The following CAP1 variants were observed in gnomAD, a reference collection of about 807,000 sequenced individuals.
CAP1 encodes the protein adenylyl cyclase-associated protein 1.
Under a neutral mutation model 58.2 loss-of-function variants are expected in CAP1, and 11 were observed. The ratio of observed to expected loss-of-function variants is 0.19; its 90% CI spans 0.12 to 0.31. CAP1 has a LOEUF of 0.31. Among genes scored for constraint, CAP1 ranks in the 10% least tolerant of loss-of-function variants. The probability of loss-of-function intolerance (pLI) is 1.00; values close to 1 mark genes in which losing one functional copy is unlikely to be tolerated. For synonymous variants in CAP1, 183 were observed against 213.8 expected (o/e 0.86, Z 1.26); for missense variants, 423 against 587.5 (o/e 0.72, Z 2.89).
chr1:40,044,867 G>T (rs1646013842), intron 1 of CAP1, among the ~76,000 whole-genome samples: 2 of 144,186 alleles, frequency 1.4e-5, no homozygotes, highest in East Asian at 2.1e-4. Context: ...CACAATCTCG[G>T]CTCACTGCAA....
chr1:40,048,027 T>C (rs755428170), intron 1 of CAP1, among the ~76,000 whole-genome samples: 1 of 151,980 alleles, frequency 6.6e-6, no homozygotes, highest in Non-Finnish European at 1.5e-5. Context: ...TGGCTCCTGA[T>C]TTGGGTTAGA....
intron 1 of CAP1, among the ~76,000 whole-genome samples, chr1:40,042,941 T>C (rs1374812028): frequency 6.6e-6 from 1 of 152,086 alleles, no homozygotes; most frequent in Admixed American, 6.6e-5. Context: ...GGTAGTACCA[T>C]TCAGATAGAG....
At chr1:40,051,626 A>C (rs12404979) in intron 1 of CAP1, among the ~76,000 whole-genome samples, 21,611 of 152,006 alleles carry the variant, frequency 0.14, 1,843 homozygotes, top group African/African-American at 0.24. Context: ...CCCAGGCTGG[A>C]GTGCAGTGGC....
At chr1:40,054,832 G>A (rs945233113) in intron 1 of CAP1, among the ~76,000 whole-genome samples, 5 of 152,030 alleles carry the variant, frequency 3.3e-5, no homozygotes, top group African/African-American at 9.7e-5. Context: ...GTAGAGATGG[G>A]ATTTAGTAGA....
chr1:40,064,895 ACCCATT>A (rs1005184139), intron 6 of CAP1, among the ~76,000 whole-genome samples: 1 of 152,122 alleles, frequency 6.6e-6, no homozygotes, highest in African/African-American at 2.4e-5. Flanking sequence ...TAAAGGATAA[ACCCATT>A]TGGTTACTTG....
In CAP1 at chr1:40,067,664, C is replaced by T. The variant is rs772717776; in HGVS notation, c.755C>T (p.Ala252Val). The change falls in exon 8 of 13, where the codon GCT (alanine) becomes GTT (valine). Residue 252 changes from alanine to valine, a missense_variant. Physicochemically the swap from Ala to Val is moderately conservative, Grantham distance 64. Transcript: ENST00000372805. Reference protein sequence around the residue: ...VSTISCSYESASRSSLFAQIN... With the variant: ...VSTISCSYESVSRSSLFAQIN... ...ACCATTTCATGCTCATATGAGTCTGCTTCCCGCTCATCACTGTTCGCGCAG... is the reference window on the plus strand; with the variant it reads ...ACCATTTCATGCTCATATGAGTCTGTTTCCCGCTCATCACTGTTCGCGCAG... 3 of 1,595,916 alleles carry T rather than the reference C, an allele frequency of 1.9e-6. No homozygotes were observed. The highest frequency in any genetic ancestry group is 1.7e-6 in the Non-Finnish European group (2 of 1,170,796).
In CAP1 at chr1:40,070,596, T is replaced by C. The variant is rs565995062; in HGVS notation, c.1200+84T>C. 3 of 1,174,108 alleles carry C rather than the reference T, an allele frequency of 2.6e-6. No individual in the cohort carries two copies. The South Asian group carries it at 3.7e-5, about 15-fold the overall frequency. The allele number at this position is 1,174,108 out of a possible 1,614,324, so 72.7% of individuals were successfully genotyped here. On this transcript the variant is annotated intron_variant, in intron 11 of 12. Transcript: ENST00000372805. ...GGTAGACCCACAGATGTTGCTTTGG[T>C]GGGAATCTGATTCTACAAAGTCTGT...
chr1:40,055,664 G>C (rs1207532965), intron 1 of CAP1, among the ~76,000 whole-genome samples: 2 of 152,054 alleles, frequency 1.3e-5, no homozygotes, highest in African/African-American at 4.8e-5. Flanking sequence ...ACACCACCAT[G>C]CTTGGAAAAA....
chr1:40,064,338 G>C lies in CAP1; in HGVS notation c.406G>C (p.Glu136Gln), dbSNP rs1343671278. Reference protein sequence around the residue: ...KLFNHLSAVSESIQALGWVAM... With the variant: ...KLFNHLSAVSQSIQALGWVAM... ...GTTTAATCACCTGTCAGCTGTCAGC[G>C]AAAGTATCCAGGCCCTGGGCTGGGT... The change falls in exon 5 of 13, where the codon GAA (glutamate) becomes CAA (glutamine). Residue 136 changes from glutamate to glutamine, a missense_variant. Glu to Gln is a conservative substitution (Grantham distance 29). Transcript: ENST00000372805. The C allele has an allele frequency of 1.2e-6, 2 of 1,614,060 alleles. No homozygotes were observed. The highest frequency in any genetic ancestry group is 1.7e-6 in the Non-Finnish European group (2 of 1,180,028).
At chr1:40,057,066 A>G (rs1255933544) in intron 1 of CAP1, among the ~76,000 whole-genome samples, 1 of 152,250 alleles carries the variant, frequency 6.6e-6, no homozygotes, top group African/African-American at 2.4e-5. Flanking sequence ...AAATATGGAA[A>G]AAGGGAGCCA....
chr1:40,061,575 A>G (rs940086589), intron 3 of CAP1, among the ~76,000 whole-genome samples, 160 bp from the exon 4 acceptor site: 1 of 152,200 alleles, frequency 6.6e-6, no homozygotes, highest in African/African-American at 2.4e-5. Context: ...TAGTGTATGT[A>G]ATTCTGCTCT....
intron 4 of CAP1, among the ~76,000 whole-genome samples, chr1:40,062,571 A>G (rs889266284): frequency 5.9e-5 from 9 of 152,090 alleles, no homozygotes; most frequent in African/African-American, 2.2e-4. Context: ...GCAACATAGC[A>G]AGACCTCGTC....
At chr1:40,054,335 C>T (rs892009317) in intron 1 of CAP1, among the ~76,000 whole-genome samples, 3 of 151,948 alleles carry the variant, frequency 2.0e-5, no homozygotes, top group Non-Finnish European at 2.9e-5. Context: ...GGACTACAGG[C>T]GCATACCACC....
intron 4 of CAP1, among the ~76,000 whole-genome samples, chr1:40,062,773 T>TTGTGTG (rs1169359200): frequency 0.64 from 92,634 of 145,430 alleles, 30,206 homozygotes; most frequent in Non-Finnish European, 0.71. Flanking sequence ...TCAAAAAACA[T>TTGTGTG]TGTGTGTGTG....
At position 40,067,523 on chromosome 1, in the gene CAP1, T is replaced by C; in HGVS notation, c.631-17T>C. 1 of 1,598,852 alleles carries C rather than the reference T, an allele frequency of 6.3e-7. No individual in the cohort carries two copies. The highest frequency in any genetic ancestry group is 8.5e-7 in the Non-Finnish European group (1 of 1,172,238). On this transcript the variant is annotated splice_polypyrimidine_tract_variant and intron_variant, in intron 7 of 12. Coordinates refer to ENST00000372805, the MANE Select transcript of CAP1 (RefSeq NM_006367.4). ...GAGCAGAGAGGATGATGATGTTACC[T>C]GCACTTATTGTTCCAGGGGCCTGTG...
chr1:40,064,808 G>T (rs1322789775), intron 6 of CAP1, among the ~76,000 whole-genome samples: 1 of 152,046 alleles, frequency 6.6e-6, no homozygotes, highest in African/African-American at 2.4e-5. Context: ...TGATTCTCCT[G>T]CCTTGGTCTC....
intron 6 of CAP1, among the ~76,000 whole-genome samples, chr1:40,065,080 T>G (rs942269611): frequency 1.8e-4 from 27 of 152,230 alleles, no homozygotes; most frequent in African/African-American, 6.5e-4. Flanking sequence ...GTAGAGGCCC[T>G]TTTAGTCTTC....
chr1:40,065,374 T>C (rs1286009225), intron 6 of CAP1, among the ~76,000 whole-genome samples: 1 of 151,864 alleles, frequency 6.6e-6, no homozygotes, highest in East Asian at 1.9e-4. Flanking sequence ...GCAGGCAAAA[T>C]TTATTAAGTT....
Position 40,066,276 on chromosome 1 carries a change from T to A in CAP1, c.586T>A (p.Tyr196Asn). ...AAGTATATGGACAGAGCTGCAGGCTTACATTAAGGAGTTCCATACCACCGG... is the reference window on the plus strand; with the variant it reads ...AAGTATATGGACAGAGCTGCAGGCTAACATTAAGGAGTTCCATACCACCGG... ...YLSIWTELQA[Y>N]IKEFHTTGLA... Residue 196 changes from tyrosine (Y) to asparagine (N), a missense_variant, in exon 7 of 13, where the codon TAC (tyrosine) becomes AAC (asparagine). Physicochemically the swap from Tyr to Asn is moderately radical, Grantham distance 143. Coordinates refer to ENST00000372805, the MANE Select transcript of CAP1 (RefSeq NM_006367.4). 1 of 1,612,144 alleles carries A rather than the reference T, an allele frequency of 6.2e-7. No individual in the cohort carries two copies. The highest frequency in any genetic ancestry group is 8.5e-7 in the Non-Finnish European group (1 of 1,178,498).
Sources: allele counts gnomAD v4.1 joint callset (sites outside exome capture counted in the v4.1 genomes callset), GRCh38; gene constraint gnomAD v4.1.1; transcripts MANE v1.5; gene names NCBI Gene and HGNC (gene_info 2026-07-23, HGNC 2026-07-21).